Variants in ANKS1B observed in about 807,000 individuals in gnomAD.
ANKS1B encodes ankyrin repeat and sterile alpha motif domain containing 1B.
In ANKS1B, 36 loss-of-function variants were observed where a neutral mutation model predicts 148.3. That is an observed-to-expected ratio of 0.24 (90% CI 0.19 to 0.32). The LOEUF is 0.32. Ranked by LOEUF, ANKS1B falls within the 10% of genes least tolerant of loss-of-function variation. ANKS1B has a pLI of 1.00. For synonymous variants in ANKS1B, 542 were observed against 560.8 expected (o/e 0.97, Z 0.47); for missense variants, 1,157 against 1,542.6 (o/e 0.75, Z 4.19).
At chr12:99,815,982 T>C (rs2069076287) in intron 2 of ANKS1B, among the ~76,000 whole-genome samples, 1 of 151,832 alleles carries the variant, frequency 6.6e-6, no homozygotes. Flanking sequence ...TGACTTCTTT[T>C]CCTTCGGGTA....
intron 12 of ANKS1B, among the ~76,000 whole-genome samples, chr12:99,345,125 G>A (rs914495427): frequency 2.6e-5 from 4 of 152,026 alleles, no homozygotes; most frequent in African/African-American, 9.7e-5. Context: ...CCAATTTTAG[G>A]TGTCAGATAA....
chr12:99,251,523 A>G (rs1264476094), intron 12 of ANKS1B, among the ~76,000 whole-genome samples: 1 of 152,202 alleles, frequency 6.6e-6, no homozygotes, highest in Non-Finnish European at 1.5e-5. Context: ...TGATAAGTGG[A>G]TATTTCATGC....
In ANKS1B at chr12:99,984,340, A is replaced by C; in HGVS notation, c.-103T>G. 3 of 1,125,056 alleles carry C rather than the reference A, an allele frequency of 2.7e-6. No homozygotes were observed. The highest frequency in any genetic ancestry group is 3.7e-6 in the Non-Finnish European group (3 of 811,226). 69.7% of individuals were successfully genotyped at this position (1,125,056 alleles called of 1,614,324 possible). ...CAGGGCCCTCTTCGCCCCACCCTAA[A>C]ATAATGCAAGAGCTTCAGCACGGAG... is the stretch of plus-strand genomic sequence containing the variant. On this transcript the variant is annotated 5_prime_UTR_variant, in exon 1 of 27. The change creates a new upstream start codon in the 5' untranslated region. Transcript: ENST00000683438.
At chr12:99,699,672 A>C (rs967857859) in intron 8 of ANKS1B, among the ~76,000 whole-genome samples, 2 of 152,184 alleles carry the variant, frequency 1.3e-5, no homozygotes, top group African/African-American at 2.4e-5. Context: ...AATTTGTAAG[A>C]CTTGCTCAAG....
intron 1 of ANKS1B, among the ~76,000 whole-genome samples, chr12:99,940,670 C>A (rs1050601893): frequency 6.6e-6 from 1 of 152,222 alleles, no homozygotes; most frequent in East Asian, 1.9e-4. Flanking sequence ...GAGAAAGATA[C>A]TAAGATACGC....
intron 11 of ANKS1B, among the ~76,000 whole-genome samples, chr12:99,441,307 A>T (rs750676182): frequency 4.0e-5 from 6 of 151,838 alleles, no homozygotes; most frequent in Admixed American, 1.3e-4. Context: ...GTCAGAACAC[A>T]GCAGGAGTCT....
chr12:98,750,305 G>C (rs1312865777), intron 26 of ANKS1B, among the ~76,000 whole-genome samples: 1 of 152,180 alleles, frequency 6.6e-6, no homozygotes, highest in African/African-American at 2.4e-5. Context: ...GGAGCGAATG[G>C]CCGGGGCTGG....
intron 9 of ANKS1B, among the ~76,000 whole-genome samples, chr12:99,553,248 G>C (rs147044446): frequency 2.2e-3 from 333 of 152,292 alleles, no homozygotes; most frequent in African/African-American, 7.0e-3. Context: ...CTAGAATTTA[G>C]AAGTTCTTTT....
chr12:99,843,451 C>T (rs1048747237), intron 1 of ANKS1B, among the ~76,000 whole-genome samples: 11 of 152,120 alleles, frequency 7.2e-5, no homozygotes, highest in Admixed American at 2.0e-4. Context: ...CTGTCCACTC[C>T]GTGTGTCCAT....
At chr12:99,019,131 T>C (rs2099944254) in intron 17 of ANKS1B, among the ~76,000 whole-genome samples, 1 of 152,214 alleles carries the variant, frequency 6.6e-6, no homozygotes, top group Non-Finnish European at 1.5e-5. Flanking sequence ...TTGTATGCTC[T>C]TATTTAATGC....
At chr12:99,457,802 T>A (rs954826750) in intron 10 of ANKS1B, among the ~76,000 whole-genome samples, 2 of 152,040 alleles carry the variant, frequency 1.3e-5, no homozygotes, top group Non-Finnish European at 2.9e-5. Flanking sequence ...ACCTAAGAAA[T>A]GAGATGGACA....
rs528667163 is a variant in ANKS1B, at chr12:99,697,162, C to G, written c.1129-41952G>C. ...AAAATGGTACAGCCACTTTAGAAAA[C>G]AGTTTGGAAGTTTCTTACAAGCTAA... On this transcript the variant is annotated intron_variant, in intron 8 of 26. Coordinates refer to ENST00000683438, the MANE Select transcript of ANKS1B (RefSeq NM_001352186.2). Among the ~76,000 whole-genome samples, 4 of 152,274 alleles carry G rather than the reference C, an allele frequency of 2.6e-5. No homozygotes were observed. The South Asian group carries it at 6.2e-4, about 24-fold the overall frequency.
At chr12:98,775,975 C>A (rs774430330) in intron 24 of ANKS1B, among the ~76,000 whole-genome samples, 3 of 152,226 alleles carry the variant, frequency 2.0e-5, no homozygotes, top group African/African-American at 7.2e-5. Flanking sequence ...TCCTAACTGG[C>A]GCTTAAAAGA....
chr12:99,632,760 TATATA>T (rs2098180730), intron 9 of ANKS1B, among the ~76,000 whole-genome samples: 4 of 86,050 alleles, frequency 4.6e-5, no homozygotes, highest in Admixed American at 1.2e-4. Flanking sequence ...TATATATATA[TATATA>T]TATTTTAATT....
At chr12:99,356,095 T>C (rs1214324586) in intron 12 of ANKS1B, among the ~76,000 whole-genome samples, 2 of 152,094 alleles carry the variant, frequency 1.3e-5, no homozygotes, top group African/African-American at 4.8e-5. Context: ...AAGGGTACTC[T>C]TAAAATATAC....
intron 4 of ANKS1B, among the ~76,000 whole-genome samples, chr12:99,784,404 C>A (rs1470003113): frequency 1.3e-5 from 2 of 152,218 alleles, no homozygotes; most frequent in East Asian, 1.9e-4. Context: ...GATCTCCTGA[C>A]CTCATGATCC....
intron 14 of ANKS1B, among the ~76,000 whole-genome samples, chr12:99,230,167 T>C (rs146192251): frequency 9.9e-5 from 15 of 152,214 alleles, no homozygotes; most frequent in African/African-American, 2.6e-4. Context: ...AAATTCAGAC[T>C]GATGAAATGA....
At chr12:99,598,371 T>G (rs577309899) in intron 9 of ANKS1B, among the ~76,000 whole-genome samples, 32 of 152,240 alleles carry the variant, frequency 2.1e-4, no homozygotes, top group Admixed American at 3.9e-4. Flanking sequence ...GAACACATTC[T>G]ATTTGCAAGC....
At chr12:99,480,391 ATTTT>A (rs921788404) in intron 10 of ANKS1B, among the ~76,000 whole-genome samples, 31 of 151,994 alleles carry the variant, frequency 2.0e-4, no homozygotes, top group South Asian at 8.3e-4. Flanking sequence ...CAATAAAGGA[ATTTT>A]TTTGTTTTAA....
Sources: gnomAD v4.1 joint callset for allele counts (sites outside exome capture counted in the v4.1 genomes callset) on GRCh38, gnomAD v4.1.1 for gene constraint, MANE v1.5 for transcripts, NCBI Gene and HGNC (gene_info 2026-07-23, HGNC 2026-07-21) for gene names.